Variants in ATG10 observed in about 807,000 individuals in gnomAD.
ATG10 encodes the protein ubiquitin-like-conjugating enzyme ATG10.
Under a neutral mutation model 32.1 loss-of-function variants are expected in ATG10, and 30 were observed. That is an observed-to-expected ratio of 0.94 (90% CI 0.70 to 1.27). The LOEUF is 1.27. Among genes scored for constraint, ATG10 ranks in the 50% most tolerant of loss-of-function variants. ATG10 has a pLI of 0.00. For synonymous variants in ATG10, 87 were observed against 91.5 expected (o/e 0.95, Z 0.28); for missense variants, 233 against 262.3 (o/e 0.89, Z 0.77).
chr5:82,030,660 A>G (rs1359869184), intron 2 of ATG10, among the ~76,000 whole-genome samples: 2 of 152,210 alleles, frequency 1.3e-5, no homozygotes, highest in Non-Finnish European at 2.9e-5. Context: ...GGTTCATACA[A>G]GATTTCCTTT....
chr5:82,074,833 TAGTC>T (rs1764225227), intron 3 of ATG10, among the ~76,000 whole-genome samples: 3 of 152,194 alleles, frequency 2.0e-5, no homozygotes, highest in African/African-American at 7.2e-5. Context: ...CACTTAGCGA[TAGTC>T]AGGAGAAAGG....
chr5:82,079,892 A>G lies in ATG10; in HGVS notation c.216+21290A>G, dbSNP rs548710735. On this transcript the variant is annotated intron_variant, in intron 3 of 7. Transcript: ENST00000282185. ...TTGGGTATATACCCAGTAATGGGAT[A>G]GCTGGGTCAAATGGTATTTCTAGTT... Among the ~76,000 whole-genome samples, 570 of 152,266 alleles carry G rather than the reference A, an allele frequency of 3.7e-3. 3 individuals carry two copies. Among genetic ancestry groups the G allele is most frequent in the Middle Eastern group, 0.017 (5 of 294 alleles).
chr5:82,223,263 C>A (rs1329923449), intron 5 of ATG10, among the ~76,000 whole-genome samples: 4 of 152,168 alleles, frequency 2.6e-5, no homozygotes, highest in Non-Finnish European at 5.9e-5. Flanking sequence ...TGCATCCAAT[C>A]TCTACTGTAT....
intron 5 of ATG10, among the ~76,000 whole-genome samples, chr5:82,200,122 G>A (rs1207714306): frequency 6.6e-6 from 1 of 152,002 alleles, no homozygotes; most frequent in Admixed American, 6.6e-5. Flanking sequence ...TTTGGTTGAC[G>A]TAAGTTTTCA....
chr5:82,112,470 T>C (rs1035231697), intron 3 of ATG10, among the ~76,000 whole-genome samples: 21 of 151,804 alleles, frequency 1.4e-4, no homozygotes, highest in African/African-American at 5.1e-4. Context: ...CATAGAAAAA[T>C]TTATTATTTT....
intron 3 of ATG10, among the ~76,000 whole-genome samples, chr5:82,124,337 A>G (rs868374618): frequency 6.6e-6 from 1 of 150,404 alleles, no homozygotes; most frequent in South Asian, 2.1e-4. Context: ...TCTGGGATAC[A>G]TGTGCAGAAC....
At chr5:82,187,032 G>A (rs1217599342) in intron 5 of ATG10, among the ~76,000 whole-genome samples, 2 of 152,192 alleles carry the variant, frequency 1.3e-5, no homozygotes, top group Admixed American at 6.5e-5. Context: ...GAATGGCCAG[G>A]CATGGTGGCT....
chr5:82,205,184 A>T (rs929134819), intron 5 of ATG10, among the ~76,000 whole-genome samples: 7 of 152,196 alleles, frequency 4.6e-5, no homozygotes, highest in Non-Finnish European at 1.0e-4. Context: ...GAAAAGACTG[A>T]AATGTGCCCA....
chr5:82,043,416 A>G (rs964974521), intron 2 of ATG10, among the ~76,000 whole-genome samples: 1 of 152,164 alleles, frequency 6.6e-6, no homozygotes, highest in African/African-American at 2.4e-5. Context: ...AAGATCTCTA[A>G]AATACCCTGG....
chr5:82,247,309 A>G (rs72778517), intron 5 of ATG10, among the ~76,000 whole-genome samples: 14 of 152,234 alleles, frequency 9.2e-5, no homozygotes, highest in Non-Finnish European at 1.9e-4. Flanking sequence ...CAGATGTCTA[A>G]GGCTCATTTT....
intron 1 of ATG10, among the ~76,000 whole-genome samples, chr5:81,985,731 C>A (rs924641947): frequency 1.3e-5 from 2 of 152,176 alleles, no homozygotes; most frequent in African/African-American, 4.8e-5. Context: ...TCGAGTCTTT[C>A]CAAGGCATTT....
intron 1 of ATG10, among the ~76,000 whole-genome samples, chr5:81,985,411 G>T (rs1471889884): frequency 6.6e-6 from 1 of 152,102 alleles, no homozygotes; most frequent in Non-Finnish European, 1.5e-5. Flanking sequence ...CGTTGATATA[G>T]AATCGGTATT....
intron 3 of ATG10, among the ~76,000 whole-genome samples, chr5:82,074,898 T>C (rs1366113466): frequency 1.3e-5 from 2 of 152,172 alleles, no homozygotes; most frequent in African/African-American, 4.8e-5. Flanking sequence ...AGAAAGCTCA[T>C]TGTAAAACTG....
intron 3 of ATG10, among the ~76,000 whole-genome samples, chr5:82,135,398 T>A (rs192257175): frequency 6.4e-4 from 98 of 152,362 alleles, no homozygotes; most frequent in African/African-American, 2.3e-3. Flanking sequence ...CTGCTTTAGC[T>A]GTGTCCCAGA....
chr5:82,252,554 T>G lies in ATG10; in HGVS notation c.454-8T>G, dbSNP rs961768062. The G allele has an allele frequency of 1.3e-6, 2 of 1,574,040 alleles. No individual in the cohort carries two copies. Among genetic ancestry groups the G allele is most frequent in the East Asian group, 2.2e-5 (1 of 44,550 alleles). On this transcript the variant is annotated splice_polypyrimidine_tract_variant and splice_region_variant and intron_variant, in intron 5 of 7. Transcript: ENST00000282185. ...ACACTGATCCTGGACCAATTCTGAT[T>G]CTTACAGGAACATCCAATACTTGGG...
At chr5:82,013,229 G>A (rs986203566) in intron 2 of ATG10, among the ~76,000 whole-genome samples, 7 of 152,168 alleles carry the variant, frequency 4.6e-5, no homozygotes, top group Non-Finnish European at 7.3e-5. Context: ...GGGAGTACAT[G>A]GGTGAGCCAC....
intron 5 of ATG10, among the ~76,000 whole-genome samples, chr5:82,213,685 C>T (rs1367094464): frequency 6.6e-6 from 1 of 152,156 alleles, no homozygotes; most frequent in Non-Finnish European, 1.5e-5. Flanking sequence ...CCTACCAGTT[C>T]GACCAGTCAC....
chr5:82,033,755 CACACAT>C (rs1377469702), intron 2 of ATG10, among the ~76,000 whole-genome samples: 22 of 149,068 alleles, frequency 1.5e-4, no homozygotes, highest in South Asian at 1.3e-3. Flanking sequence ...CACACACACA[CACACAT>C]ATGTGTGTAT....
chr5:82,013,397 T>G (rs1048489940), intron 2 of ATG10, among the ~76,000 whole-genome samples: 1 of 152,238 alleles, frequency 6.6e-6, no homozygotes, highest in East Asian at 1.9e-4. Flanking sequence ...AATGCCATTA[T>G]TTTGTTCCTT....
Sources: allele counts gnomAD v4.1 joint callset (sites outside exome capture counted in the v4.1 genomes callset), GRCh38; gene constraint gnomAD v4.1.1; transcripts MANE v1.5; gene names NCBI Gene and HGNC (gene_info 2026-07-23, HGNC 2026-07-21).